AATF: variants seen among roughly 807,000 people sequenced by gnomAD.
The protein encoded by AATF is protein AATF.
A neutral mutation model predicts 63.7 loss-of-function variants in AATF; 48 were observed. That is an observed-to-expected ratio of 0.75 (90% CI 0.60 to 0.96). The LOEUF is 0.96. Among genes scored for constraint, AATF ranks in the 40% least tolerant of loss-of-function variants. The probability of loss-of-function intolerance (pLI) is 0.00; values close to 1 mark genes in which losing one functional copy is unlikely to be tolerated. For missense variants in AATF, 639 were observed against 685.7 expected, an observed-to-expected ratio of 0.93 and a Z score of 0.76; for synonymous variants, 258 against 247.7, an observed-to-expected ratio of 1.04 and a Z score of -0.39.
At chr17:37,002,509 T>C (rs933983460) in intron 8 of AATF, among the ~76,000 whole-genome samples, 1 of 133,110 alleles carries the variant, frequency 7.5e-6, no homozygotes, top group African/African-American at 2.8e-5. Context: ...CTACTAAAAA[T>C]ACAAAAAAAA....
At chr17:37,054,620 C>G (rs2071782272) in intron 11 of AATF, 1 of 152,218 alleles carries the variant, frequency 6.6e-6, no homozygotes, top group Non-Finnish European at 1.5e-5. Context: ...ACTCTCTGCT[C>G]CTGACACGTG....
chr17:36,999,139 T>G (rs1183956857), intron 8 of AATF: 2 of 152,242 alleles, frequency 1.3e-5, no homozygotes, highest in Non-Finnish European at 2.9e-5. Flanking sequence ...GAGTTGCTGG[T>G]ATCCACTGTT....
chr17:36,998,527 A>G (rs1159186433), intron 8 of AATF: 1 of 152,194 alleles, frequency 6.6e-6, no homozygotes, highest in East Asian at 1.9e-4. Context: ...TTGGAGATCT[A>G]CTGTATCTTT....
At chr17:37,017,736 A>G (rs1055194004) in intron 8 of AATF, among the ~76,000 whole-genome samples, 8 of 152,200 alleles carry the variant, frequency 5.3e-5, no homozygotes, top group Non-Finnish European at 1.2e-4. Flanking sequence ...TCTAATTGCA[A>G]TTGAGATATC....
intron 9 of AATF, among the ~76,000 whole-genome samples, chr17:37,019,513 A>C (rs1348898961): frequency 6.6e-6 from 1 of 152,332 alleles, no homozygotes; most frequent in East Asian, 1.9e-4. Flanking sequence ...TAAAAGCTTC[A>C]GCACAATTAG....
At chr17:36,992,410 T>C (rs1216296001) in intron 8 of AATF, among the ~76,000 whole-genome samples, 3 of 152,216 alleles carry the variant, frequency 2.0e-5, no homozygotes, top group African/African-American at 7.2e-5. Flanking sequence ...TATTTTGTTC[T>C]AGAGTGTCTA....
intron 11 of AATF, among the ~76,000 whole-genome samples, chr17:37,048,333 A>AGCCTTCTT (rs373627440): frequency 1.1e-3 from 167 of 147,298 alleles, no homozygotes; most frequent in African/African-American, 4.0e-3. Flanking sequence ...CCAGCAATCC[A>AGCCTTCTT]GCCTTCTTGG....
intron 10 of AATF, among the ~76,000 whole-genome samples, chr17:37,021,324 A>G (rs1028938022): frequency 3.3e-5 from 5 of 152,200 alleles, no homozygotes; most frequent in Admixed American, 6.5e-5. Context: ...ATTAATTTCT[A>G]TAGAATAATA....
chr17:36,979,845 C>T lies in AATF; in HGVS notation c.833-6772C>T, dbSNP rs111761343. Among the ~76,000 whole-genome samples the T allele has an allele frequency of 7.8e-4, 118 of 152,086 alleles. 1 individual carries two copies. The highest frequency in any genetic ancestry group is 2.8e-3 in the African/African-American group (116 of 41,488). On this transcript the variant is annotated intron_variant, in intron 4 of 11. Coordinates refer to ENST00000619387, the MANE Select transcript of AATF (RefSeq NM_012138.4). ...TTTATGTTGGACAGCCTAGATGAAT[C>T]AGGGAAAAAAATAAAGCTGTTAGGT...
intron 4 of AATF, among the ~76,000 whole-genome samples, chr17:36,966,226 A>G (rs1352210741): frequency 6.6e-6 from 1 of 152,086 alleles, no homozygotes; most frequent in African/African-American, 2.4e-5. Flanking sequence ...TTTTTAAAAA[A>G]ATCAATTTTT....
At chr17:37,056,568 T>C (rs775617189) in intron 11 of AATF, 33 bp from the exon 12 acceptor site, 2 of 1,609,714 alleles carry the variant, frequency 1.2e-6, no homozygotes, top group Non-Finnish European at 1.7e-6. Context: ...AGTGAACCAG[T>C]GTGTTAACCA....
intron 1 of AATF, 58 bp downstream of exon 1, chr17:36,949,274 A>AG: frequency 6.7e-7 from 1 of 1,496,770 alleles, no homozygotes; most frequent in Non-Finnish European, 9.0e-7. Context: ...CTGTGGGGCA[A>AG]GGGGGCGGCG....
At chr17:36,974,403 GT>G (rs1308963353) in intron 4 of AATF, among the ~76,000 whole-genome samples, 1 of 151,976 alleles carries the variant, frequency 6.6e-6, no homozygotes, top group African/African-American at 2.4e-5. Flanking sequence ...CATTTGGATT[GT>G]TTCCAGGTTT....
At chr17:37,005,069 T>C (rs1295479872) in intron 8 of AATF, among the ~76,000 whole-genome samples, 2 of 152,358 alleles carry the variant, frequency 1.3e-5, no homozygotes, top group East Asian at 3.8e-4. Context: ...AAGCTATTTA[T>C]AGGCTTTATT....
intron 4 of AATF, among the ~76,000 whole-genome samples, chr17:36,981,529 G>A (rs1329647046): frequency 6.6e-6 from 1 of 151,222 alleles, no homozygotes; most frequent in Non-Finnish European, 1.5e-5. Context: ...CTGCAGCCTC[G>A]AACTCCTGGG....
At position 37,044,693 on chromosome 17, in the gene AATF, G is replaced by A. The variant is rs1215350707; in HGVS notation, c.1620-11908G>A. On this transcript the variant is annotated intron_variant, in intron 11 of 11. Coordinates refer to ENST00000619387, the MANE Select transcript of AATF (RefSeq NM_012138.4). ...GAATTCTTGCGTCCAGAGGAATTTC[G>A]TATTTCAGATTTTCTTGGATTTGGA... Among the ~76,000 whole-genome samples, 8 of 152,150 alleles carry A rather than the reference G, an allele frequency of 5.3e-5. 1 individual carries two copies. The East Asian group carries it at 5.8e-4, about 11-fold the overall frequency.
At chr17:36,984,104 A>G (rs888781627) in intron 4 of AATF, among the ~76,000 whole-genome samples, 8 of 152,234 alleles carry the variant, frequency 5.3e-5, no homozygotes, top group African/African-American at 1.7e-4. Flanking sequence ...AAGAAAGAAT[A>G]AGACATAAAA....
At chr17:37,007,729 G>A (rs552393365) in intron 8 of AATF, among the ~76,000 whole-genome samples, 42 of 152,286 alleles carry the variant, frequency 2.8e-4, no homozygotes, top group African/African-American at 1.0e-3. Context: ...AGGCTCCAGC[G>A]AAGAGGACAT....
chr17:36,981,702 C>CTTTTTTTTTTTTTTTTTT (rs71368433), intron 4 of AATF, among the ~76,000 whole-genome samples: 3 of 110,480 alleles, frequency 2.7e-5, no homozygotes, highest in African/African-American at 7.0e-5. Context: ...TCTTTCTTTT[C>CTTTTTTTTTTTTTTTTTT]TTTTTTTTTT....
Sources: gnomAD v4.1 joint callset for allele counts (sites outside exome capture counted in the v4.1 genomes callset) on GRCh38, gnomAD v4.1.1 for gene constraint, MANE v1.5 for transcripts, NCBI Gene and HGNC (gene_info 2026-07-23, HGNC 2026-07-21) for gene names.